PTCSC3: variants seen among roughly 807,000 people sequenced by gnomAD.
PTCSC3 encodes papillary thyroid carcinoma susceptibility candidate 3 (non-protein coding).
intron 1 of PTCSC3, among the ~76,000 whole-genome samples, chr14:36,172,890 C>T (rs1286412675): frequency 6.6e-6 from 1 of 151,956 alleles, no homozygotes; most frequent in Non-Finnish European, 1.5e-5. Flanking sequence ...TGCAAAATAC[C>T]TCTGTGATCA....
chr14:36,158,959 A>G (rs950159472), intron 2 of PTCSC3, among the ~76,000 whole-genome samples: 1 of 152,122 alleles, frequency 6.6e-6, no homozygotes, highest in African/African-American at 2.4e-5. Flanking sequence ...CAGGGATTCA[A>G]CTTCTTCCTG....
At chr14:36,135,151 G>T (rs988949453), downstream of PTCSC3, among the ~76,000 whole-genome samples, 5 of 152,084 alleles carry the variant, frequency 3.3e-5, no homozygotes, top group African/African-American at 1.2e-4. Context: ...ACCTGAAAAC[G>T]TATCAAGAAA....
intron 2 of PTCSC3, among the ~76,000 whole-genome samples, chr14:36,155,217 A>G (rs1314147293): frequency 6.6e-6 from 1 of 152,236 alleles, no homozygotes; most frequent in Non-Finnish European, 1.5e-5. Context: ...AAGGTAGTTA[A>G]GTGACTGATA....
chr14:36,157,279 T>G (rs1881851284), intron 2 of PTCSC3, among the ~76,000 whole-genome samples: 1 of 152,132 alleles, frequency 6.6e-6, no homozygotes, highest in African/African-American at 2.4e-5. Context: ...ATGTAAGTTC[T>G]TTGTAGATTC....
intron 1 of PTCSC3, among the ~76,000 whole-genome samples, chr14:36,173,325 TTCAC>T (rs1882221838): frequency 6.6e-6 from 1 of 152,232 alleles, no homozygotes; most frequent in African/African-American, 2.4e-5. Context: ...GTCAGACTCT[TTCAC>T]TAAGTACTGG....
At chr14:36,176,054 C>A (rs1882275112) in intron 1 of PTCSC3, among the ~76,000 whole-genome samples, 1 of 152,158 alleles carries the variant, frequency 6.6e-6, no homozygotes, top group South Asian at 2.1e-4. Context: ...GGGAGAAGGA[C>A]TTTCAGTTAA....
chr14:36,171,966 A>G (rs934461730), intron 1 of PTCSC3, among the ~76,000 whole-genome samples: 10 of 152,198 alleles, frequency 6.6e-5, no homozygotes, highest in Non-Finnish European at 1.3e-4. Flanking sequence ...AGCAATAGCA[A>G]AGCTCTGGCA....
chr14:36,146,939 T>A (rs964037689), intron 3 of PTCSC3, among the ~76,000 whole-genome samples: 61 of 152,228 alleles, frequency 4.0e-4, no homozygotes, highest in African/African-American at 1.4e-3. Flanking sequence ...TTTGGCTGGA[T>A]ATGAAATTCT....
chr14:36,149,883 C>G (rs1881683924), intron 3 of PTCSC3, among the ~76,000 whole-genome samples: 1 of 152,024 alleles, frequency 6.6e-6, no homozygotes, highest in African/African-American at 2.4e-5. Flanking sequence ...TGCTTAGGAC[C>G]AAAAGTTTTT....
intron 3 of PTCSC3, among the ~76,000 whole-genome samples, chr14:36,146,444 G>A (rs1466080266): frequency 6.6e-6 from 1 of 151,232 alleles, no homozygotes; most frequent in East Asian, 1.9e-4. Flanking sequence ...TTTGATCTTT[G>A]TTGGTTTAAA....
At chr14:36,156,167 C>T (rs1382358228) in intron 2 of PTCSC3, among the ~76,000 whole-genome samples, 1 of 152,224 alleles carries the variant, frequency 6.6e-6, no homozygotes, top group Non-Finnish European at 1.5e-5. Flanking sequence ...CCGTACGTCT[C>T]TGCTCATGGT....
chr14:36,158,265 C>A (rs1881874025), intron 2 of PTCSC3, among the ~76,000 whole-genome samples: 1 of 152,086 alleles, frequency 6.6e-6, no homozygotes, highest in South Asian at 2.1e-4. Context: ...TGCCTGATTG[C>A]CCTGGCCAGA....
At chr14:36,135,418 G>A (rs1000168584), downstream of PTCSC3, among the ~76,000 whole-genome samples, 1 of 152,264 alleles carries the variant, frequency 6.6e-6, no homozygotes, top group Middle Eastern at 3.4e-3. Context: ...AATTTGTTGA[G>A]TGGCCTTAGG....
intron 1 of PTCSC3, chr14:36,164,043 C>G (rs1882034115): frequency 6.6e-6 from 1 of 152,170 alleles, no homozygotes; most frequent in African/African-American, 2.4e-5. Flanking sequence ...AGAATTACAA[C>G]ATTTGGAGAA....
At chr14:36,142,545 T>C (rs564942385) in intron 3 of PTCSC3, among the ~76,000 whole-genome samples, 23 of 152,370 alleles carry the variant, frequency 1.5e-4, no homozygotes, top group African/African-American at 5.0e-4. Context: ...GAAGAGATTG[T>C]GAAGAATTGT....
intron 1 of PTCSC3, among the ~76,000 whole-genome samples, chr14:36,172,959 G>A (rs1257841387): frequency 6.6e-6 from 1 of 151,000 alleles, no homozygotes; most frequent in Non-Finnish European, 1.5e-5. Context: ...TTTTTTTTAA[G>A]TATTGGTTAT....
chr14:36,137,350 T>C (rs762101967), intron 3 of PTCSC3, among the ~76,000 whole-genome samples: 2 of 152,170 alleles, frequency 1.3e-5, no homozygotes, highest in Non-Finnish European at 2.9e-5. Context: ...GACCGTATTC[T>C]GGAGGGTCTT....
At chr14:36,149,205 ATTT>A (rs1392618986) in intron 3 of PTCSC3, among the ~76,000 whole-genome samples, 11 of 151,842 alleles carry the variant, frequency 7.2e-5, no homozygotes, top group Admixed American at 7.2e-4. Flanking sequence ...TTTTATTTTC[ATTT>A]ATTTTTTAAT....
intron 3 of PTCSC3, among the ~76,000 whole-genome samples, chr14:36,141,134 T>C (rs1286323538): frequency 2.0e-5 from 3 of 152,188 alleles, no homozygotes; most frequent in African/African-American, 4.8e-5. Context: ...ATCTTGATAA[T>C]TGTAGTTTTA....
Sources: allele counts gnomAD v4.1 joint callset (sites outside exome capture counted in the v4.1 genomes callset), GRCh38; gene constraint gnomAD v4.1.1; transcripts MANE v1.5; gene names NCBI Gene and HGNC (gene_info 2026-07-23, HGNC 2026-07-21).